RFC2: variants seen among roughly 807,000 people sequenced by gnomAD.
RFC2 encodes the protein A1 40 kDa subunit.
RFC2 carries 34 observed loss-of-function variants against 44.8 expected under a neutral mutation model. The observed-to-expected ratio is 0.76, with a 90% CI of 0.58 to 1.01. The LOEUF is 1.01. Among genes scored for constraint, RFC2 ranks in the 50% least tolerant of loss-of-function variants. RFC2 has a pLI of 0.00. For missense variants in RFC2, 400 were observed against 453.6 expected (o/e 0.88, Z 1.07); for synonymous variants, 177 against 168.9 (o/e 1.05, Z -0.37).
At chr7:74,245,714 C>CAAAAA (rs1182981268) in intron 5 of RFC2, among the ~76,000 whole-genome samples, 87 of 65,888 alleles carry the variant, frequency 1.3e-3, no homozygotes, top group African/African-American at 4.1e-3. Flanking sequence ...CTCCGTCTCA[C>CAAAAA]AAAAAAAAAA....
chr7:74,235,452 G>A, intron 10 of RFC2, 80 bp downstream of exon 10: 1 of 909,970 alleles, frequency 1.1e-6, no homozygotes, highest in Non-Finnish European at 1.8e-6. Context: ...AAAGTGCTGG[G>A]ATTACAGGTG....
In RFC2 at chr7:74,252,603, T is replaced by G. The variant is rs1171984250; in HGVS notation, c.114-105A>C. 6.7e-6 allele frequency: 5 copies of G among 741,960 alleles called. No homozygotes were observed. In the East Asian group the frequency reaches 1.3e-4, roughly 19 times the overall value. The allele number at this position is 741,960 out of a possible 1,614,324, so 46.0% of individuals were successfully genotyped here. On this transcript the variant is annotated intron_variant, in intron 1 of 10. Coordinates refer to ENST00000055077, the MANE Select transcript of RFC2 (RefSeq NM_181471.3). ...AGCTTTGTTAAAAAATTACATACAT[T>G]CAGTACAACTATGCCAAATGGTTGC...
intron 10 of RFC2, chr7:74,233,725 C>G (rs868927519): frequency 2.3e-6 from 1 of 432,430 alleles, no homozygotes; most frequent in South Asian, 1.6e-5. Flanking sequence ...CTCAGCCGCC[C>G]GAGTAGCTGG....
chr7:74,253,500 G>A (rs782131206), intron 1 of RFC2: 5 of 152,184 alleles, frequency 3.3e-5, no homozygotes, highest in East Asian at 1.9e-4. Flanking sequence ...CGAGGCGGAC[G>A]GATCACTTGA....
chr7:74,249,810 T>C, intron 2 of RFC2, 30 bp from the exon 3 acceptor site: 1 of 1,597,340 alleles, frequency 6.3e-7, no homozygotes, highest in Non-Finnish European at 8.6e-7. Flanking sequence ...TAAAACCGGT[T>C]AAAACTTGCT....
At position 74,249,069 on chromosome 7, in the gene RFC2, GC is replaced by G. The variant is rs1482451154; in HGVS notation, c.274del (p.Ala92ProfsTer25). On this transcript the variant is annotated frameshift_variant, in exon 4 of 11. Transcript: ENST00000055077. LOFTEE classifies it high-confidence loss of function. ...KTTSILCLAR[A>X]LLGPALKDAM... Reference sequence around the variant, plus strand: ...ATCTTTGAGTGCTGGGCCCAGCAGGGCCCGGGCCAAGCACAGAATGCTTGTG... The same window carrying G: ...ATCTTTGAGTGCTGGGCCCAGCAGGGCCGGGCCAAGCACAGAATGCTTGTG... The G allele has an allele frequency of 6.2e-7, 1 of 1,613,870 alleles. No homozygotes were observed.
intron 9 of RFC2, among the ~76,000 whole-genome samples, chr7:74,237,055 A>T (rs1451868365): frequency 6.6e-6 from 1 of 151,448 alleles, no homozygotes; most frequent in African/African-American, 2.4e-5. Flanking sequence ...AGTGCACCCA[A>T]CTCCTAGCAT....
Position 74,254,273 on chromosome 7 carries a change from C to G in RFC2, c.111G>C (p.Pro37=). 6.2e-7 allele frequency: 1 copy of G among 1,609,292 alleles called. No homozygotes were observed. Among genetic ancestry groups the G allele is most frequent in the Non-Finnish European group, 8.5e-7 (1 of 1,176,254 alleles). ...APGSAGHYEL[P]WVEKYRPVKL... is the part of the protein sequence containing the mutation. ...TTCTTTACGGCCTGGGACCTCACCA[C>G]GGCAGTTCGTAGTGGCCGGCGCTGC... The change falls in exon 1 of 11, where the codon CCG becomes CCC. Residue 37 remains proline (P), a splice_region_variant and synonymous_variant. Transcript: ENST00000055077.
intron 4 of RFC2, among the ~76,000 whole-genome samples, chr7:74,248,277 G>A (rs1196699668): frequency 2.0e-5 from 3 of 151,924 alleles, no homozygotes; most frequent in African/African-American, 7.2e-5. Context: ...GCTGATGCAA[G>A]GAGGATCGCT....
rs1421946376 is a variant in RFC2 at position 74,239,064 on chromosome 7, TG to T, written c.694-77del. The T allele has an allele frequency of 1.4e-3, 1,671 of 1,215,772 alleles. 6 individuals carry two copies. Among genetic ancestry groups the T allele is most frequent in the Non-Finnish European group, 1.4e-3 (1,214 of 838,048 alleles). The allele number at this position is 1,215,772 out of a possible 1,614,324, so 75.3% of individuals were successfully genotyped here. ...TTGAGTAGAGACAGGAGTCTCGCTA[TG>T]TTGCCCAGGCTGGTCTCGAACTCCT... On this transcript the variant is annotated intron_variant, in intron 7 of 10. Transcript: ENST00000055077.
chr7:74,254,232 C>T (rs782288495), intron 1 of RFC2, 39 bp downstream of exon 1: 2 of 1,479,388 alleles, frequency 1.4e-6, no homozygotes, highest in South Asian at 2.3e-5. Flanking sequence ...CCCACCCTCA[C>T]GTCCAAACGC....
rs146611922 is a variant in RFC2 at position 74,243,147 on chromosome 7, G to A, written c.534C>T (p.Ile178=). 26 of 1,608,018 alleles carry A rather than the reference G, an allele frequency of 1.6e-5. No individual in the cohort carries two copies. Among genetic ancestry groups the A allele is most frequent in the Admixed American group, 1.2e-4 (7 of 59,948 alleles). Reference sequence around the variant, plus strand: ...CAGCCACCGAAAGCTCCCACTCACCGATGATCTTATCCGAAGCATTACAAG... The same window carrying A: ...CAGCCACCGAAAGCTCCCACTCACCAATGATCTTATCCGAAGCATTACAAG... ...ALACNASDKI[I]EPIQSRCAVL... The change falls in exon 6 of 11, where the codon ATC becomes ATT. Residue 178 remains isoleucine, a splice_region_variant and synonymous_variant. Transcript: ENST00000055077.
In RFC2 at chr7:74,248,373, T is replaced by C. The variant is rs556751574; in HGVS notation, c.332+639A>G. ...AAGCTGGCATGGTGGCATGTGTCTA[T>C]AGTCCTAGCAACTTAGCAGGCCAAG... On this transcript the variant is annotated intron_variant, in intron 4 of 10. Transcript: ENST00000055077. Among the ~76,000 whole-genome samples, 7 of 151,922 alleles carry C rather than the reference T, an allele frequency of 4.6e-5. No homozygotes were observed. In the South Asian group the frequency reaches 8.3e-4, roughly 18 times the overall value.
Position 74,243,157 on chromosome 7 carries a change from T to C in RFC2, c.524A>G (p.Asp175Gly). ...AAGCTCCCACTCACCGATGATCTTATCCGAAGCATTACAAGCAAGGGCGAA... is the reference window on the plus strand; with the variant it reads ...AAGCTCCCACTCACCGATGATCTTACCCGAAGCATTACAAGCAAGGGCGAA... ...TRFALACNASDKIIEPIQSRC... is the reference protein window; with the variant it reads ...TRFALACNASGKIIEPIQSRC... The change falls in exon 6 of 11, where the codon GAT becomes GGT. Residue 175 changes from aspartate (D) to glycine (G), a missense_variant. Transcript: ENST00000055077. 2 of 1,612,058 alleles carry C rather than the reference T, an allele frequency of 1.2e-6. No individual in the cohort carries two copies. Among genetic ancestry groups the C allele is most frequent in the Non-Finnish European group, 1.7e-6 (2 of 1,178,160 alleles).
rs781929598 is a variant in RFC2, at chr7:74,254,360, A to G, written c.24T>C (p.Gly8=). The G allele has an allele frequency of 5.6e-6, 9 of 1,607,820 alleles. No homozygotes were observed. The highest frequency in any genetic ancestry group is 7.6e-6 in the Non-Finnish European group (9 of 1,177,316). The change falls in exon 1 of 11, where the codon GGT becomes GGC. Residue 8 remains glycine (G), a synonymous_variant. Transcript: ENST00000055077. ...CCTGGGCCTCCACCTCGCCCGCGCC[A>G]CCACAGACGGCCTCCACCTCCATTC... MEVEAVC[G]GAGEVEAQDS...
In RFC2 at chr7:74,246,151, G is replaced by A. The variant is rs530782174; in HGVS notation, c.434+511C>T. On this transcript the variant is annotated intron_variant, in intron 5 of 10. Coordinates refer to ENST00000055077, the MANE Select transcript of RFC2 (RefSeq NM_181471.3). ...GCGGAGGTTGCAGTGAGCTGAAATC[G>A]CACCACTGCACTCCAGCCTGGGAGA... is the stretch of plus-strand genomic sequence containing the variant. Among the ~76,000 whole-genome samples, 46 of 149,054 alleles carry A rather than the reference G, an allele frequency of 3.1e-4. No homozygotes were observed. In the South Asian group the frequency reaches 8.3e-3, roughly 27 times the overall value.
intron 2 of RFC2, among the ~76,000 whole-genome samples, chr7:74,250,638 C>G (rs1380607962): frequency 1.3e-5 from 2 of 152,076 alleles, no homozygotes; most frequent in African/African-American, 2.4e-5. Flanking sequence ...TTACTTCTCT[C>G]CATCCCTTCT....
rs372785726 is a variant in RFC2, at chr7:74,235,584, C to T, written c.902G>A (p.Arg301Gln). The T allele has an allele frequency of 2.5e-6, 4 of 1,613,864 alleles. No homozygotes were observed. The highest frequency in any genetic ancestry group is 2.2e-5 in the South Asian group (2 of 91,082). Reference protein sequence around the residue: ...SPEDIIGNIFRVCKTFQMAEY... With the variant: ...SPEDIIGNIFQVCKTFQMAEY... ...TGCCATTTGGAAAGTTTTACACACT[C>T]GAAAGATGTTGCCAATGATATCTTC... The change falls in exon 10 of 11, where the codon CGA (arginine) becomes CAA (glutamine). Residue 301 changes from arginine (R) to glutamine (Q), a missense_variant. Coordinates refer to ENST00000055077, the MANE Select transcript of RFC2 (RefSeq NM_181471.3).
intron 1 of RFC2, among the ~76,000 whole-genome samples, chr7:74,253,093 T>C (rs1191252767): frequency 2.0e-5 from 3 of 152,168 alleles, no homozygotes; most frequent in Non-Finnish European, 2.9e-5. Context: ...TCTGGAGCAA[T>C]GTGACACTGT....
Sources: gnomAD v4.1 joint callset for allele counts (sites outside exome capture counted in the v4.1 genomes callset) on GRCh38, gnomAD v4.1.1 for gene constraint, MANE v1.5 for transcripts, NCBI Gene and HGNC (gene_info 2026-07-23, HGNC 2026-07-21) for gene names.